The following NAV3 variants were observed in gnomAD, a reference collection of about 807,000 sequenced individuals.
NAV3 encodes the protein neuron navigator 3, also known as pore membrane and/or filament interacting like protein 1.
NAV3 carries 87 observed loss-of-function variants against 244.7 expected under a neutral mutation model. The ratio of observed to expected loss-of-function variants is 0.36; its 90% confidence interval spans 0.30 to 0.42. The LOEUF is 0.42. NAV3 is among the 20% of genes least tolerant of loss of function. The pLI is 1.00. For synonymous variants in NAV3, 1,126 were observed against 1,042.2 expected (o/e 1.08, Z -1.55); for missense variants, 2,663 against 2,893.3 (o/e 0.92, Z 1.83).
At chr12:78,142,507 T>A (rs180838536) in intron 20 of NAV3, among the ~76,000 whole-genome samples, 31 of 151,900 alleles carry the variant, frequency 2.0e-4, no homozygotes, top group African/African-American at 7.5e-4. Flanking sequence ...TAGCAGCTAC[T>A]AGATTGGATA....
At chr12:77,821,226 T>C (rs1872733660) in intron 2 of NAV3, among the ~76,000 whole-genome samples, 1 of 152,150 alleles carries the variant, frequency 6.6e-6, no homozygotes, top group Non-Finnish European at 1.5e-5. Context: ...AGAAAGGATC[T>C]GGATGTTAGT....
At chr12:77,627,179 G>A (rs1234235241) in intron 2 of NAV3, among the ~76,000 whole-genome samples, 3 of 152,076 alleles carry the variant, frequency 2.0e-5, no homozygotes, top group Non-Finnish European at 4.4e-5. Flanking sequence ...TTGACTGAAA[G>A]TGAAGGGATG....
intron 2 of NAV3, among the ~76,000 whole-genome samples, chr12:77,755,876 G>A: frequency 6.6e-6 from 1 of 151,628 alleles, no homozygotes; most frequent in Non-Finnish European, 1.5e-5. Context: ...TGAGACTATG[G>A]TTAAAATAAT....
At chr12:77,750,534 C>A (rs2135797695) in intron 2 of NAV3, among the ~76,000 whole-genome samples, 1 of 151,212 alleles carries the variant, frequency 6.6e-6, no homozygotes, top group South Asian at 2.1e-4. Context: ...TAGAGTGAGA[C>A]CCTGTCTCTA....
At chr12:77,897,290 T>C (rs772022356) in intron 1 of NAV3, among the ~76,000 whole-genome samples, 12 of 152,202 alleles carry the variant, frequency 7.9e-5, no homozygotes, top group Admixed American at 6.5e-5. Context: ...TTAATTCTCA[T>C]GGAAGTAAAT....
intron 2 of NAV3, among the ~76,000 whole-genome samples, chr12:77,663,948 A>T (rs1179850485): frequency 6.6e-6 from 1 of 152,234 alleles, no homozygotes; most frequent in Admixed American, 6.5e-5. Context: ...TATAATAAGC[A>T]ATCAATATAT....
intron 24 of NAV3, among the ~76,000 whole-genome samples, chr12:78,172,411 A>G (rs922294909): frequency 5.3e-5 from 8 of 151,660 alleles, no homozygotes; most frequent in Non-Finnish European, 1.2e-4. Context: ...ATAATGGTAA[A>G]CAAAATAGAT....
intron 3 of NAV3, among the ~76,000 whole-genome samples, chr12:77,954,490 A>G (rs907449840): frequency 2.6e-5 from 4 of 152,222 alleles, no homozygotes; most frequent in African/African-American, 9.6e-5. Flanking sequence ...AAACTATGCT[A>G]TCTCTCTGAG....
chr12:77,658,705 A>G (rs1445387535), intron 2 of NAV3, among the ~76,000 whole-genome samples: 2 of 152,102 alleles, frequency 1.3e-5, no homozygotes, highest in Non-Finnish European at 2.9e-5. Flanking sequence ...CTGACTTCAA[A>G]CTATACTACA....
At chr12:78,129,001 T>C in intron 18 of NAV3, 135 bp downstream of exon 18, 1 of 754,816 alleles carries the variant, frequency 1.3e-6, no homozygotes, top group South Asian at 1.9e-5. Context: ...GTACCTTTCA[T>C]TTGTGTCATT....
At chr12:78,187,249 T>C (rs2139826240) in intron 31 of NAV3, among the ~76,000 whole-genome samples, 1 of 151,964 alleles carries the variant, frequency 6.6e-6, no homozygotes, top group East Asian at 1.9e-4. Flanking sequence ...TATTAAGAGA[T>C]TGAGGGTCTG....
At chr12:78,151,957 C>T (rs912048679) in intron 22 of NAV3, among the ~76,000 whole-genome samples, 6 of 151,298 alleles carry the variant, frequency 4.0e-5, no homozygotes, top group East Asian at 1.9e-4. Context: ...TCTATCATAA[C>T]GTAACATGCT....
intron 2 of NAV3, among the ~76,000 whole-genome samples, chr12:77,792,764 A>G (rs1438695513): frequency 6.6e-6 from 1 of 151,930 alleles, no homozygotes; most frequent in Non-Finnish European, 1.5e-5. Context: ...CACTCTCTAT[A>G]TTTTCTCTTA....
chr12:78,070,666 A>G (rs1736149803), intron 12 of NAV3, among the ~76,000 whole-genome samples: 6 of 150,568 alleles, frequency 4.0e-5, no homozygotes, highest in Admixed American at 4.0e-4. Context: ...CTAGTCATCT[A>G]GCATTAGGTA....
rs115337605 is a variant in NAV3, at chr12:77,696,464, C to A, written c.72+124198C>A. The stretch of plus-strand genomic sequence containing the variant: ...ACTGAATTTTGCCAATAACCATATG[C>A]GTTCTGAAGCAGATTTCTCCCTAGA... On this transcript the variant is annotated intron_variant, in intron 2 of 8. Transcript: ENST00000550042. Among the ~76,000 whole-genome samples the A allele has an allele frequency of 8.3e-3, 1,259 of 152,196 alleles. 8 individuals are homozygous for A. The highest frequency in any genetic ancestry group is 0.02 in the African/African-American group (824 of 41,534).
At chr12:78,178,353 G>T (rs1049612657) in intron 28 of NAV3, among the ~76,000 whole-genome samples, 9 of 151,618 alleles carry the variant, frequency 5.9e-5, no homozygotes, top group Non-Finnish European at 1.3e-4. Context: ...TAAAGATGGG[G>T]TTTCACCATG....
chr12:77,972,222 T>G (rs1160369064), intron 5 of NAV3, among the ~76,000 whole-genome samples: 2 of 152,176 alleles, frequency 1.3e-5, no homozygotes, highest in Admixed American at 6.5e-5. Context: ...ATGTGTGTCC[T>G]GCTCAAGTGG....
intron 2 of NAV3, among the ~76,000 whole-genome samples, chr12:77,691,335 G>GTATATATATATATA (rs1455098694): frequency 9.7e-6 from 1 of 103,458 alleles, no homozygotes; most frequent in African/African-American, 3.5e-5. Flanking sequence ...TTGTGTATGT[G>GTATATATATATATA]TGTATATATA....
At chr12:78,015,611 C>A (rs1000738431) in intron 8 of NAV3, among the ~76,000 whole-genome samples, 4 of 151,758 alleles carry the variant, frequency 2.6e-5, no homozygotes, top group African/African-American at 7.3e-5. Flanking sequence ...AATTTGATTG[C>A]CTGATTAAGA....
Sources: gnomAD v4.1 joint callset for allele counts (sites outside exome capture counted in the v4.1 genomes callset) on GRCh38, gnomAD v4.1.1 for gene constraint, MANE v1.5 for transcripts, NCBI Gene and HGNC (gene_info 2026-07-23, HGNC 2026-07-21) for gene names.